The following WDR12 variants were observed in gnomAD, a reference collection of about 807,000 sequenced individuals.
WDR12 encodes ribosome biogenesis protein WDR12.
Under a neutral mutation model 64.3 loss-of-function variants are expected in WDR12, and 42 were observed. That is an observed-to-expected ratio of 0.65 (90% CI 0.51 to 0.84). The LOEUF (loss-of-function observed/expected upper bound fraction) is 0.84. WDR12 is among the 40% of genes least tolerant of loss of function. The pLI is 0.00. For missense variants in WDR12, 469 were observed against 494.6 expected, an observed-to-expected ratio of 0.95 and a Z score of 0.49; for synonymous variants, 158 against 173.3, an observed-to-expected ratio of 0.91 and a Z score of 0.70.
At chr2:202,904,138 C>CAAAAAAAAAAAA (rs34378996) in intron 2 of WDR12, among the ~76,000 whole-genome samples, 13 of 38,536 alleles carry the variant, frequency 3.4e-4, no homozygotes, top group South Asian at 1.1e-3. Context: ...AACTCTGTCT[C>CAAAAAAAAAAAA]AAAAAAAAAA....
intron 3 of WDR12, 53 bp downstream of exon 3, chr2:202,900,972 C>A (rs369823642): frequency 6.8e-7 from 1 of 1,464,840 alleles, no homozygotes; most frequent in Non-Finnish European, 9.4e-7. Context: ...AGTTTACCTA[C>A]AATAGCCGAT....
At chr2:202,891,962 G>A (rs974318774) in intron 8 of WDR12, among the ~76,000 whole-genome samples, 1 of 152,168 alleles carries the variant, frequency 6.6e-6, no homozygotes, top group African/African-American at 2.4e-5. Flanking sequence ...TCGGTTATAA[G>A]ATGAACAAGT....
At chr2:202,904,280 C>G (rs1369205424) in intron 2 of WDR12, among the ~76,000 whole-genome samples, 1 of 151,184 alleles carries the variant, frequency 6.6e-6, no homozygotes, top group South Asian at 2.1e-4. Context: ...CCAAAGCAAC[C>G]TACAGATTCA....
chr2:202,877,170 C>A lies in WDR12; in HGVS notation c.*3690G>T, dbSNP rs1687873847. 6.7e-6 allele frequency: 1 copy of A among 150,074 alleles called. No homozygotes were observed. Among genetic ancestry groups the A allele is most frequent in the Non-Finnish European group, 1.5e-5 (1 of 67,756 alleles). The allele number at this position is 150,074 out of a possible 1,614,324, so 9.3% of individuals were successfully genotyped here. ...TATATGCATTTTATATCAATTTAAACTTTTGTTTGTTCTTTCTCCAATAAT... is the reference window on the plus strand; with the variant it reads ...TATATGCATTTTATATCAATTTAAAATTTTGTTTGTTCTTTCTCCAATAAT... On this transcript the variant is annotated 3_prime_UTR_variant, in exon 13 of 13. Transcript: ENST00000261015.
chr2:202,894,117 G>GA (rs377488634), intron 7 of WDR12, among the ~76,000 whole-genome samples: 13 of 148,476 alleles, frequency 8.8e-5, no homozygotes, highest in African/African-American at 2.0e-4. Context: ...GGTGGGGTAG[G>GA]AAAAAAAAAA....
At chr2:202,891,589 C>T (rs931206667) in intron 8 of WDR12, among the ~76,000 whole-genome samples, 3 of 152,090 alleles carry the variant, frequency 2.0e-5, no homozygotes, top group Non-Finnish European at 2.9e-5. Context: ...CCAGTAAGCG[C>T]TAATATTACA....
At chr2:202,893,778 C>T (rs1054423383) in intron 7 of WDR12, among the ~76,000 whole-genome samples, 3 of 152,146 alleles carry the variant, frequency 2.0e-5, no homozygotes, top group Non-Finnish European at 4.4e-5. Context: ...CTTCTTACTA[C>T]TATGAAAGCA....
rs1574399616 is a variant in WDR12, at chr2:202,878,149, G to C, written c.*2711C>G. On this transcript the variant is annotated 3_prime_UTR_variant, in exon 13 of 13. Coordinates refer to ENST00000261015, the MANE Select transcript of WDR12 (RefSeq NM_018256.4). ...AATGCCTGAACTATGAATGTATTCT[G>C]CTGTGGAACCAGGATTGGGAATAGG... The C allele has an allele frequency of 1.3e-5, 2 of 152,194 alleles. No individual in the cohort carries two copies. The highest frequency in any genetic ancestry group is 3.8e-4 in the East Asian group (2 of 5,200). 9.4% of individuals were successfully genotyped at this position (152,194 alleles called of 1,614,324 possible). A position where few individuals can be genotyped will look rare whatever the true frequency, so the allele number is the denominator to read the frequency against.
In WDR12 at chr2:202,882,766, TAG is replaced by T; in HGVS notation, c.1137_1138del (p.Tyr380Ter). The T allele has an allele frequency of 1.2e-6, 2 of 1,614,098 alleles. No individual in the cohort carries two copies. The highest frequency in any genetic ancestry group is 1.7e-6 in the Non-Finnish European group (2 of 1,179,924). ...TTTGTCTTCATGAGCAGCCAGATCATAGAGAGGAGCCTTACAACTAAAAGATG... is the reference window on the plus strand; with the variant it reads ...TTTGTCTTCATGAGCAGCCAGATCATAGAGGAGCCTTACAACTAAAAGATG... On this transcript the variant is annotated frameshift_variant, in exon 12 of 13. Coordinates refer to ENST00000261015, the MANE Select transcript of WDR12 (RefSeq NM_018256.4). LOFTEE classifies it high-confidence loss of function.
At chr2:202,882,220 T>C (rs916243162) in intron 12 of WDR12, among the ~76,000 whole-genome samples, 18 of 152,252 alleles carry the variant, frequency 1.2e-4, no homozygotes, top group African/African-American at 4.3e-4. Context: ...TAAGCCACCA[T>C]GCCTGGCCTA....
At position 202,907,007 on chromosome 2, in the gene WDR12, G is replaced by T. The variant is rs1688469941; in HGVS notation, c.136+858C>A. On this transcript the variant is annotated intron_variant, in intron 2 of 12. Transcript: ENST00000261015. Reference sequence around the variant, plus strand: ...TCTATCACCCAGGCTGGAGTGCAATGGTGCGATCTTGGCTCACTGCAACCT... The same window carrying T: ...TCTATCACCCAGGCTGGAGTGCAATTGTGCGATCTTGGCTCACTGCAACCT... Among the ~76,000 whole-genome samples the T allele has an allele frequency of 8.6e-5, 13 of 150,866 alleles. No homozygotes were observed. In the South Asian group the frequency reaches 2.7e-3, roughly 32 times the overall value.
rs1687832114 is a variant in WDR12 at position 202,874,992 on chromosome 2, G to C, written c.*5868C>G. 1 of 152,156 alleles carries C rather than the reference G, an allele frequency of 6.6e-6. No homozygotes were observed. The highest frequency in any genetic ancestry group is 2.1e-4 in the South Asian group (1 of 4,830). 9.4% of individuals were successfully genotyped at this position (152,156 alleles called of 1,614,324 possible). A position where few individuals can be genotyped will look rare whatever the true frequency, so the allele number is the denominator to read the frequency against. ...ATTACACTTTCACCAACTATACATA[G>C]AATTGTTTGACATGTTTCTAAACTT... On this transcript the variant is annotated 3_prime_UTR_variant, in exon 13 of 13. Coordinates refer to ENST00000261015, the MANE Select transcript of WDR12 (RefSeq NM_018256.4).
intron 1 of WDR12, 55 bp from the exon 2 acceptor site, chr2:202,908,014 T>A: frequency 6.7e-7 from 1 of 1,492,938 alleles, no homozygotes. Flanking sequence ...TGAACAAACA[T>A]GCTTTTACGA....
rs1309134093 is a variant in WDR12 at position 202,890,974 on chromosome 2, A to G, written c.741+1643T>C. Among the ~76,000 whole-genome samples the G allele has an allele frequency of 2.1e-5, 3 of 145,920 alleles. No individual in the cohort carries two copies. The Admixed American group carries it at 2.1e-4, about 10-fold the overall frequency. On this transcript the variant is annotated intron_variant, in intron 8 of 12. Coordinates refer to ENST00000261015, the MANE Select transcript of WDR12 (RefSeq NM_018256.4). Reference sequence around the variant, plus strand: ...GTGCCACTGCACTCCAGCCTGGGCAACAGAGCAAGACTTTGTCTCTTTAAA... The same window carrying G: ...GTGCCACTGCACTCCAGCCTGGGCAGCAGAGCAAGACTTTGTCTCTTTAAA...
intron 6 of WDR12, 170 bp downstream of exon 6, chr2:202,895,895 A>G: frequency 1.5e-6 from 1 of 688,284 alleles, no homozygotes; most frequent in Non-Finnish European, 2.3e-6. Context: ...CAAACTGAGC[A>G]AGTGACTATC....
At chr2:202,896,352 G>C in intron 5 of WDR12, 133 bp from the exon 6 acceptor site, 1 of 948,672 alleles carries the variant, frequency 1.1e-6, no homozygotes, top group Admixed American at 3.0e-5. Flanking sequence ...CATATGGCCA[G>C]GTTTTAAAAG....
intron 2 of WDR12, among the ~76,000 whole-genome samples, chr2:202,904,138 C>CAAA (rs34378996): frequency 7.8e-5 from 3 of 38,526 alleles, no homozygotes; most frequent in Non-Finnish European, 8.2e-5. Flanking sequence ...AACTCTGTCT[C>CAAA]AAAAAAAAAA....
At position 202,907,881 on chromosome 2, in the gene WDR12, T is replaced by C. The variant is rs1045455198; in HGVS notation, c.120A>G (p.Leu40=). 6.2e-7 allele frequency: 1 copy of C among 1,613,644 alleles called. No individual in the cohort carries two copies. The highest frequency in any genetic ancestry group is 8.5e-7 in the Non-Finnish European group (1 of 1,179,768). Residue 40 remains leucine, a synonymous_variant, in exon 2 of 13, where the codon CTA becomes CTG. Transcript: ENST00000261015. Reference sequence around the variant, plus strand: ...TATACCCACCATTTTTGTCCTTTAGTAGTTTATTGATGATGTTACTAAGGT... The same window carrying C: ...TATACCCACCATTTTTGTCCTTTAGCAGTTTATTGATGATGTTACTAAGGT... ...IADLSNIINK[L]LKDKNEFHKH... is the part of the protein sequence containing the mutation.
Position 202,897,392 on chromosome 2 carries a change from T to A in WDR12, c.362A>T (p.Lys121Met). Residue 121 changes from lysine to methionine, a missense_variant, in exon 5 of 13, where the codon AAG becomes ATG. Transcript: ENST00000261015. ...EEWILTGSYD[K>M]TSRIWSLEGK... is the part of the protein sequence containing the mutation. ...TTCCAAGGACCAGATCCGAGAAGTC[T>A]TATCATAAGAACCAGTCAAGATCCT... 6.3e-7 allele frequency: 1 copy of A among 1,586,898 alleles called. No homozygotes were observed. Among genetic ancestry groups the A allele is most frequent in the Non-Finnish European group, 8.6e-7 (1 of 1,169,336 alleles).
Sources: allele counts gnomAD v4.1 joint callset (sites outside exome capture counted in the v4.1 genomes callset), GRCh38; gene constraint gnomAD v4.1.1; transcripts MANE v1.5; gene names NCBI Gene and HGNC (gene_info 2026-07-23, HGNC 2026-07-21).